Variants in PDZD2 observed in about 807,000 individuals in gnomAD.
The protein encoded by PDZD2 is PDZ domain containing 2.
In PDZD2, 90 loss-of-function variants were observed where a neutral mutation model predicts 220.7. That is an observed-to-expected ratio of 0.41 (90% confidence interval 0.34 to 0.49). The LOEUF is 0.49. Among genes scored for constraint, PDZD2 ranks in the 20% least tolerant of loss-of-function variants. The pLI is 0.28. For synonymous variants in PDZD2, 1,375 were observed against 1,450.5 expected (o/e 0.95, Z 1.18); for missense variants, 3,174 against 3,608.5 (o/e 0.88, Z 3.08).
At chr5:32,041,600 C>T (rs979234857) in intron 7 of PDZD2, among the ~76,000 whole-genome samples, 9 of 152,034 alleles carry the variant, frequency 5.9e-5, no homozygotes, top group Admixed American at 2.6e-4. Flanking sequence ...GGATTAAGGG[C>T]GGTGCAAGAT....
At chr5:31,960,223 CTTCT>C (rs1002747148) in intron 2 of PDZD2, among the ~76,000 whole-genome samples, 2 of 149,168 alleles carry the variant, frequency 1.3e-5, no homozygotes, top group Admixed American at 6.7e-5. Flanking sequence ...TCTTTCCTTC[CTTCT>C]TTCTTTTTGA....
intron 1 of PDZD2, among the ~76,000 whole-genome samples, chr5:31,757,943 G>C (rs1751397470): frequency 6.6e-6 from 1 of 152,216 alleles, no homozygotes; most frequent in African/African-American, 2.4e-5. Flanking sequence ...GCTTCTGAGG[G>C]TGAATTAACT....
intron 2 of PDZD2, among the ~76,000 whole-genome samples, chr5:31,957,089 C>G (rs1469989412): frequency 6.6e-6 from 1 of 152,130 alleles, no homozygotes; most frequent in Non-Finnish European, 1.5e-5. Flanking sequence ...AGTTCTGATT[C>G]TCTATGTTCT....
chr5:31,824,660 G>A (rs1366035655), intron 2 of PDZD2, among the ~76,000 whole-genome samples: 2 of 148,946 alleles, frequency 1.3e-5, no homozygotes, highest in Non-Finnish European at 3.0e-5. Flanking sequence ...TTGTTGCAAT[G>A]TCAGTGCATT....
In PDZD2 at chr5:32,097,372, T is replaced by C. The variant is rs767426610; in HGVS notation, c.7939T>C (p.Ser2647Pro). The change falls in exon 22 of 25, where the codon TCA (serine) becomes CCA (proline). Residue 2647 changes from serine to proline, a missense_variant. Around this residue, in one of 4 missense-constraint regions of PDZD2, gnomAD observed 631 missense variants for 789.9 expected, o/e 0.80. Coordinates refer to ENST00000438447, the MANE Select transcript of PDZD2 (RefSeq NM_178140.4). ...AGGAGGGACAGATGTGGAGCCAAAA[T>C]CAATCACGGTAAGTGACAGAGTCAT... ...VAGGTDVEPK[S>P]ITVHRVFSQG... 6 of 1,598,982 alleles carry C rather than the reference T, an allele frequency of 3.8e-6. No homozygotes were observed. Among genetic ancestry groups the C allele is most frequent in the South Asian group, 1.1e-5 (1 of 90,766 alleles).
intron 24 of PDZD2, chr5:32,106,509 A>C (rs946334111): frequency 2.0e-5 from 3 of 152,376 alleles, no homozygotes; most frequent in Non-Finnish European, 4.4e-5. Flanking sequence ...CAACCTAGTA[A>C]GATAACAAGA....
chr5:31,827,950 C>T (rs1348176380), intron 2 of PDZD2, among the ~76,000 whole-genome samples: 1 of 152,164 alleles, frequency 6.6e-6, no homozygotes, highest in Non-Finnish European at 1.5e-5. Context: ...TTTACCTATT[C>T]CAGATATTTC....
chr5:31,691,944 G>T (rs905543737), intron 1 of PDZD2, among the ~76,000 whole-genome samples: 4 of 152,374 alleles, frequency 2.6e-5, no homozygotes, highest in African/African-American at 9.6e-5. Flanking sequence ...AGCCCAGCTG[G>T]CTTCACCCAG....
intron 2 of PDZD2, among the ~76,000 whole-genome samples, chr5:31,902,559 T>A (rs1742199922): frequency 6.6e-6 from 1 of 150,770 alleles, no homozygotes; most frequent in South Asian, 2.1e-4. Flanking sequence ...TTCAGCTCAC[T>A]GCAACCTCCT....
At chr5:32,053,144 A>T (rs1277778317) in intron 9 of PDZD2, among the ~76,000 whole-genome samples, 1 of 152,216 alleles carries the variant, frequency 6.6e-6, no homozygotes, top group African/African-American at 2.4e-5. Context: ...TGCTCCTACG[A>T]TGTAAGGAGT....
chr5:31,908,351 G>T, intron 2 of PDZD2: 1 of 283,164 alleles, frequency 3.5e-6, no homozygotes, highest in Non-Finnish European at 6.6e-6. Context: ...AGCTGCCATC[G>T]GCCGCCATCA....
At chr5:32,003,331 C>CCCCCACACACA (rs764711883) in intron 5 of PDZD2, among the ~76,000 whole-genome samples, 2 of 69,712 alleles carry the variant, frequency 2.9e-5, no homozygotes, top group Non-Finnish European at 4.9e-5. Context: ...ACACACACCC[C>CCCCCACACACA]CACCACACCA....
chr5:32,079,272 AAAAAAAAC>A (rs1472940713), intron 19 of PDZD2, among the ~76,000 whole-genome samples: 4 of 149,852 alleles, frequency 2.7e-5, no homozygotes, highest in African/African-American at 1.0e-4. Context: ...AAAAAAACAA[AAAAAAAAC>A]AAAAAAAAAA....
chr5:31,649,537 A>C (rs929044340), intron 1 of PDZD2, among the ~76,000 whole-genome samples: 2 of 152,078 alleles, frequency 1.3e-5, no homozygotes, highest in African/African-American at 4.8e-5. Flanking sequence ...TAGCTGTTGG[A>C]TCATACGCTC....
At chr5:32,101,002 C>T in intron 23 of PDZD2, 103 bp from the exon 24 acceptor site, 2 of 1,589,124 alleles carry the variant, frequency 1.3e-6, no homozygotes, top group Non-Finnish European at 1.7e-6. Context: ...CTTGAGTGTG[C>T]CAGAAGTACA....
chr5:31,676,129 A>G (rs914146127), intron 1 of PDZD2, among the ~76,000 whole-genome samples: 1 of 150,226 alleles, frequency 6.7e-6, no homozygotes, highest in Non-Finnish European at 1.5e-5. Flanking sequence ...CAAACATTGG[A>G]CTGGCCATGA....
intron 2 of PDZD2, among the ~76,000 whole-genome samples, chr5:31,912,659 A>G (rs1034874292): frequency 1.3e-5 from 2 of 152,228 alleles, no homozygotes; most frequent in Non-Finnish European, 1.5e-5. Context: ...TATGGCTAAC[A>G]GTGGGACTAA....
At chr5:31,987,827 G>C (rs1251262556) in intron 3 of PDZD2, among the ~76,000 whole-genome samples, 1 of 152,104 alleles carries the variant, frequency 6.6e-6, no homozygotes, top group African/African-American at 2.4e-5. Context: ...TGAAAATCCT[G>C]GGAAACCCTC....
chr5:31,837,752 T>C (rs1287383688), intron 2 of PDZD2, among the ~76,000 whole-genome samples: 1 of 151,168 alleles, frequency 6.6e-6, no homozygotes, highest in African/African-American at 2.4e-5. Context: ...CCGGGCATGA[T>C]GGTGTGTGCC....
Sources: gnomAD v4.1 joint callset for allele counts (sites outside exome capture counted in the v4.1 genomes callset) on GRCh38, gnomAD v4.1.1 for gene constraint, gnomAD v4.1.1 regional missense constraint, MANE v1.5 for transcripts, NCBI Gene and HGNC (gene_info 2026-07-23, HGNC 2026-07-21) for gene names.